CTSV: variants seen among roughly 807,000 people sequenced by gnomAD.
CTSV encodes the protein cathepsin V, also known as cathepsin L2.
A neutral mutation model predicts 35.6 loss-of-function variants in CTSV; 33 were observed. The observed-to-expected ratio is 0.93, with a 90% CI of 0.70 to 1.24. The LOEUF is 1.24. Among genes scored for constraint, CTSV ranks in the 50% most tolerant of loss-of-function variants. CTSV has a pLI of 0.00. For missense variants in CTSV, 408 were observed against 413.1 expected (o/e 0.99, Z 0.11); for synonymous variants, 154 against 147.1 (o/e 1.05, Z -0.34).
At position 97,034,749 on chromosome 9, in the gene CTSV, G is replaced by C; in HGVS notation, c.882C>G (p.Ser294Arg). Residue 294 changes from serine (S) to arginine (R), a missense_variant, in exon 7 of 8, where the codon AGC becomes AGG. Physicochemically the swap from Ser to Arg is moderately radical, Grantham distance 110. Coordinates refer to ENST00000259470, the MANE Select transcript of CTSV (RefSeq NM_001333.4). ...YGFEGANSNN[S>R]KYWLVKNSWG... ...ACCTGTTTTTGACGAGCCAATACTT[G>C]CTGTTATTCGAATTTGCTCCTTCAA... The C allele has an allele frequency of 6.2e-7, 1 of 1,613,884 alleles. No individual in the cohort carries two copies. The highest frequency in any genetic ancestry group is 2.2e-5 in the East Asian group (1 of 44,884).
chr9:97,032,908 A>G lies in CTSV; in HGVS notation c.*41T>C, dbSNP rs138007477. The G allele has an allele frequency of 2.0e-4, 289 of 1,452,426 alleles. 1 individual carries two copies. The East Asian group carries it at 6.6e-3, about 33-fold the overall frequency. The allele number at this position is 1,452,426 out of a possible 1,614,324, so 90.0% of individuals were successfully genotyped here. A position where few individuals can be genotyped will look rare whatever the true frequency, so the allele number is the denominator to read the frequency against. On this transcript the variant is annotated 3_prime_UTR_variant, in exon 8 of 8. Coordinates refer to ENST00000259470, the MANE Select transcript of CTSV (RefSeq NM_001333.4). ...CAGTTTCAAGATAAAATTTCCCCAG[A>G]CATGCTGTCCTTAAGTCCTTCCTCC...
At chr9:97,037,091 G>C (rs1390450524) in intron 4 of CTSV, among the ~76,000 whole-genome samples, 161 bp downstream of exon 4, 1 of 152,006 alleles carries the variant, frequency 6.6e-6, no homozygotes, top group Non-Finnish European at 1.5e-5. Context: ...TGGGCAACAA[G>C]AGCTAAACTC....
rs3824483 is a variant in CTSV, at chr9:97,034,434, A to T, written c.905+292T>A. Among the ~76,000 whole-genome samples, 1,408 of 152,302 alleles carry T rather than the reference A, an allele frequency of 9.2e-3. 49 individuals are homozygous for T. The East Asian group carries it at 0.1, about 11-fold the overall frequency. ...TATTCCTTGTTGAAAAATTAGACAG[A>T]AAAAAGCAATCAGCTCTCAAACCTA... On this transcript the variant is annotated intron_variant, in intron 7 of 7. Coordinates refer to ENST00000259470, the MANE Select transcript of CTSV (RefSeq NM_001333.4).
At chr9:97,035,497 G>T in intron 6 of CTSV, 31 bp downstream of exon 6, 4 of 1,438,786 alleles carry the variant, frequency 2.8e-6, no homozygotes, top group East Asian at 2.5e-5. Context: ...TCCCAATTCT[G>T]CCTAAATTTC....
chr9:97,032,828 T>C lies in CTSV; in HGVS notation c.*121A>G. On this transcript the variant is annotated 3_prime_UTR_variant, in exon 8 of 8. Coordinates refer to ENST00000259470, the MANE Select transcript of CTSV (RefSeq NM_001333.4). ...GTAAAAATGTCACAGAATTAAAATC[T>C]CAACTTGGATCCTCAATGATTCAAC... is the stretch of plus-strand genomic sequence containing the variant. 1.7e-6 allele frequency: 1 copy of C among 592,924 alleles called. No homozygotes were observed. The highest frequency in any genetic ancestry group is 2.8e-6 in the Non-Finnish European group (1 of 351,048). 36.7% of individuals were successfully genotyped at this position (592,924 alleles called of 1,614,324 possible).
chr9:97,036,711 C>G lies in CTSV; in HGVS notation c.433G>C (p.Gly145Arg). ...CGGAACATCTGTCCTTCAAGAGCAC[C>G]AGTCGCACTAAAAGCCCAACAAGAA... ...CGSCWAFSAT[G>R]ALEGQMFRKT... The change falls in exon 5 of 8, where the codon GGT becomes CGT. Residue 145 changes from glycine to arginine, a missense_variant. Coordinates refer to ENST00000259470, the MANE Select transcript of CTSV (RefSeq NM_001333.4). 6.2e-7 allele frequency: 1 copy of G among 1,612,502 alleles called. No individual in the cohort carries two copies. The highest frequency in any genetic ancestry group is 1.7e-5 in the Admixed American group (1 of 59,680).
At chr9:97,036,784 G>C (rs1039971764) in intron 4 of CTSV, 37 bp from the exon 5 acceptor site, 1 of 1,502,144 alleles carries the variant, frequency 6.7e-7, no homozygotes, top group Non-Finnish European at 9.0e-7. Flanking sequence ...AAATTTACAA[G>C]ACCAATACAA....
At position 97,039,112 on chromosome 9, in the gene CTSV, CCT is replaced by C. The variant is rs1223664375; in HGVS notation, c.-54_-53del. The C allele has an allele frequency of 6.6e-6, 1 of 152,436 alleles. No individual in the cohort carries two copies. The highest frequency in any genetic ancestry group is 2.4e-5 in the African/African-American group (1 of 41,480). 9.4% of individuals were successfully genotyped at this position (152,436 alleles called of 1,614,324 possible). A position where few individuals can be genotyped will look rare whatever the true frequency, so the allele number is the denominator to read the frequency against. ...TGCGCAGGCACCCTCAGCAAACAAG[CCT>C]CTGAGATTACAGACGTCCGCGGTCT... is the stretch of plus-strand genomic sequence containing the variant. On this transcript the variant is annotated 5_prime_UTR_variant, in exon 1 of 8. Transcript: ENST00000259470.
Position 97,030,387 on chromosome 9 carries a change from A to G in CTSV, c.*2562T>C, listed in dbSNP as rs951518479. 3 of 152,178 alleles carry G rather than the reference A, an allele frequency of 2.0e-5. No homozygotes were observed. Among genetic ancestry groups the G allele is most frequent in the Admixed American group, 6.6e-5 (1 of 15,264 alleles). 9.4% of individuals were successfully genotyped at this position (152,178 alleles called of 1,614,324 possible). A position where few individuals can be genotyped will look rare whatever the true frequency, so the allele number is the denominator to read the frequency against. ...TCTCACCCTTCCTTACTTCCTTTGC[A>G]ATTCAAGTAAGAAAACAAACAATTT... On this transcript the variant is annotated 3_prime_UTR_variant, in exon 8 of 8. Coordinates refer to ENST00000259470, the MANE Select transcript of CTSV (RefSeq NM_001333.4).
intron 4 of CTSV, 50 bp from the exon 5 acceptor site, chr9:97,036,797 A>C: frequency 3.6e-6 from 5 of 1,384,916 alleles, no homozygotes; most frequent in African/African-American, 1.5e-5. Flanking sequence ...CAATACAAAT[A>C]CAGTACCCCA....
intron 7 of CTSV, among the ~76,000 whole-genome samples, chr9:97,033,708 G>C (rs990890247): frequency 2.6e-5 from 4 of 152,128 alleles, no homozygotes; most frequent in African/African-American, 4.8e-5. Flanking sequence ...TGAGGCAGGA[G>C]AATCACTTGA....
rs540951373 is a variant in CTSV at position 97,033,741 on chromosome 9, T to C, written c.906-693A>G. 1.9e-4 allele frequency among the ~76,000 whole-genome samples: 29 copies of C among 152,032 alleles called. No individual in the cohort carries two copies. The South Asian group carries it at 5.6e-3, about 29-fold the overall frequency. ...TGAACCCGAGAGGTGGAGGCTGCAGTGAGCCGAGATTGCACCACTGCACTC... is the reference window on the plus strand; with the variant it reads ...TGAACCCGAGAGGTGGAGGCTGCAGCGAGCCGAGATTGCACCACTGCACTC... On this transcript the variant is annotated intron_variant, in intron 7 of 7. Coordinates refer to ENST00000259470, the MANE Select transcript of CTSV (RefSeq NM_001333.4).
In CTSV at chr9:97,030,239, A is replaced by C. The variant is rs1828718355; in HGVS notation, c.*2710T>G. On this transcript the variant is annotated 3_prime_UTR_variant, in exon 8 of 8. Coordinates refer to ENST00000259470, the MANE Select transcript of CTSV (RefSeq NM_001333.4). ...TAGGCAAAACATACACATGAACCAC[A>C]CATAGGGCTGAGTGGATGTTTCCTT... The C allele has an allele frequency of 6.6e-6, 1 of 152,238 alleles. No individual in the cohort carries two copies. Among genetic ancestry groups the C allele is most frequent in the Non-Finnish European group, 1.5e-5 (1 of 68,048 alleles). The allele number at this position is 152,238 out of a possible 1,614,324, so 9.4% of individuals were successfully genotyped here. A position where few individuals can be genotyped will look rare whatever the true frequency, so the allele number is the denominator to read the frequency against.
At position 97,037,635 on chromosome 9, in the gene CTSV, T is replaced by C; in HGVS notation, c.127-20A>G. 6.2e-7 allele frequency: 1 copy of C among 1,612,444 alleles called. No individual in the cohort carries two copies. The highest frequency in any genetic ancestry group is 8.5e-7 in the Non-Finnish European group (1 of 1,179,426). On this transcript the variant is annotated intron_variant, in intron 2 of 7. Transcript: ENST00000259470. ...TTCATTCTAGAGGCAAACATATAGCTGGTGGACTTTATGTCTACTTACCCA... is the reference window on the plus strand; with the variant it reads ...TTCATTCTAGAGGCAAACATATAGCCGGTGGACTTTATGTCTACTTACCCA...
chr9:97,035,166 T>C (rs899257102), intron 6 of CTSV, among the ~76,000 whole-genome samples: 2 of 152,332 alleles, frequency 1.3e-5, no homozygotes, highest in South Asian at 4.1e-4. Context: ...CCAACTCGCA[T>C]AATCCCTTTC....
chr9:97,037,603 A>G lies in CTSV; in HGVS notation c.139T>C (p.Trp47Arg), dbSNP rs1327969493. ...RRLYGANEEG[W>R]RRAVWEKNMK... ...TTCTTTTCCCACACTGCTCTCCTCC[A>G]TCCTTCTTCATTCTAGAGGCAAACA... Residue 47 changes from tryptophan to arginine, a missense_variant, in exon 3 of 8, where the codon TGG becomes CGG. Physicochemically the swap from Trp to Arg is moderately radical, Grantham distance 101 (BLOSUM62 -3). Coordinates refer to ENST00000259470, the MANE Select transcript of CTSV (RefSeq NM_001333.4). 6.2e-7 allele frequency: 1 copy of G among 1,613,772 alleles called. No homozygotes were observed. Among genetic ancestry groups the G allele is most frequent in the Non-Finnish European group, 8.5e-7 (1 of 1,179,966 alleles).
In CTSV at chr9:97,030,313, A is replaced by G. The variant is rs1202741373; in HGVS notation, c.*2636T>C. 6.6e-6 allele frequency: 1 copy of G among 152,106 alleles called. No homozygotes were observed. Among genetic ancestry groups the G allele is most frequent in the African/African-American group, 2.4e-5 (1 of 41,424 alleles). 9.4% of individuals were successfully genotyped at this position (152,106 alleles called of 1,614,324 possible). On this transcript the variant is annotated 3_prime_UTR_variant, in exon 8 of 8. Coordinates refer to ENST00000259470, the MANE Select transcript of CTSV (RefSeq NM_001333.4). ...TATGATGCCCAAGTGTCATAACTAC[A>G]CTCCCACATCAGCAAACTCCTCCCT... is the stretch of plus-strand genomic sequence containing the variant.
chr9:97,033,087 C>T (rs921191767), intron 7 of CTSV, 39 bp from the exon 8 acceptor site: 1 of 1,436,088 alleles, frequency 7.0e-7, no homozygotes, highest in African/African-American at 1.4e-5. Flanking sequence ...TACAAGGAAT[C>T]AAGGGAAAAT....
chr9:97,037,167 T>C (rs1828867242), intron 4 of CTSV, 85 bp downstream of exon 4: 1 of 1,409,056 alleles, frequency 7.1e-7, no homozygotes, highest in Admixed American at 2.2e-5. Flanking sequence ...TCACCATATG[T>C]TGTGCCACCA....
Sources: gnomAD v4.1 joint callset for allele counts (sites outside exome capture counted in the v4.1 genomes callset) on GRCh38, gnomAD v4.1.1 for gene constraint, MANE v1.5 for transcripts, NCBI Gene and HGNC (gene_info 2026-07-23, HGNC 2026-07-21) for gene names.